RNF17: variants seen among roughly 807,000 people sequenced by gnomAD.
RNF17 encodes spermatogenesis associated 23.
RNF17 carries 31 observed loss-of-function variants against 200.5 expected under a neutral mutation model. The observed-to-expected ratio is 0.15, with a 90% CI of 0.12 to 0.21. RNF17 has a LOEUF of 0.21. RNF17 is among the 10% of genes least tolerant of loss of function. The probability of loss-of-function intolerance (pLI) is 1.00; values close to 1 mark genes in which losing one functional copy is unlikely to be tolerated. For missense variants in RNF17, 1,628 were observed against 1,905.1 expected, an observed-to-expected ratio of 0.85 and a Z score of 2.71; for synonymous variants, 606 against 637.8, an observed-to-expected ratio of 0.95 and a Z score of 0.75.
chr13:24,791,395 G>A (rs999705997), intron 9 of RNF17, among the ~76,000 whole-genome samples: 2 of 152,140 alleles, frequency 1.3e-5, no homozygotes, highest in African/African-American at 4.8e-5. Context: ...TGACTAAGTC[G>A]ATGGATTGTG....
chr13:24,884,464 C>G, downstream of RNF17: 1 of 1,613,964 alleles, frequency 6.2e-7, no homozygotes. Context: ...CCTTTTCCAC[C>G]TAAAAAACCA....
chr13:24,862,852 A>C, intron 28 of RNF17, 59 bp downstream of exon 28: 1 of 979,124 alleles, frequency 1.0e-6, no homozygotes. Flanking sequence ...TATAATTAAC[A>C]TAATTTGAGG....
chr13:24,786,754 T>A (rs1331285298), intron 6 of RNF17, among the ~76,000 whole-genome samples: 1 of 152,188 alleles, frequency 6.6e-6, no homozygotes, highest in African/African-American at 2.4e-5. Flanking sequence ...TTATTGAGGA[T>A]CCCTTGTACT....
chr13:24,855,553 G>A (rs1046246642), intron 25 of RNF17, among the ~76,000 whole-genome samples: 4 of 151,904 alleles, frequency 2.6e-5, no homozygotes, highest in African/African-American at 4.8e-5. Flanking sequence ...ATTTGAACCC[G>A]GGAGGCAGAG....
Position 24,870,668 on chromosome 13 carries a change from G to C in RNF17, c.4376G>C (p.Ser1459Thr), listed in dbSNP as rs77115679. The C allele has an allele frequency of 1.2e-6, 2 of 1,614,166 alleles. No homozygotes were observed. The part of the protein sequence containing the change: ...SGVSGESESE[S>T]LDEALQRVNK... ...GTCAGCGGGGAATCAGAATCCGAGAGCCTTGATGAAGCACTGCAGAGGGTT... is the reference window on the plus strand; with the variant it reads ...GTCAGCGGGGAATCAGAATCCGAGACCCTTGATGAAGCACTGCAGAGGGTT... The change falls in exon 32 of 36, where the codon AGC becomes ACC. Residue 1459 changes from serine (S) to threonine (T), a missense_variant. This residue lies in a region of RNF17 where 609 missense variants were observed against 681.9 expected (regional missense o/e 0.89). Coordinates refer to ENST00000255324, the MANE Select transcript of RNF17 (RefSeq NM_031277.3).
downstream of RNF17, among the ~76,000 whole-genome samples, chr13:24,882,111 G>T (rs71425128): frequency 8.7e-4 from 4 of 4,600 alleles, no homozygotes; most frequent in Non-Finnish European, 4.2e-3. Flanking sequence ...CATCTATATA[G>T]ATATATAGAT....
At position 24,774,939 on chromosome 13, in the gene RNF17, G is replaced by A. The variant is rs373288346; in HGVS notation, c.317+35G>A. On this transcript the variant is annotated intron_variant, in intron 3 of 35. Coordinates refer to ENST00000255324, the MANE Select transcript of RNF17 (RefSeq NM_031277.3). ...ATGTGTACTTATTTGAGTATTTAAA[G>A]TCAATGTGTTACTGAAATAGTTTTA... 6.2e-6 allele frequency: 8 copies of A among 1,299,100 alleles called. No homozygotes were observed. In the South Asian group the frequency reaches 9.9e-5, roughly 16 times the overall value. The allele number at this position is 1,299,100 out of a possible 1,614,324, so 80.5% of individuals were successfully genotyped here. A position where few individuals can be genotyped will look rare whatever the true frequency, so the allele number is the denominator to read the frequency against.
the RNF17 span, among the ~76,000 whole-genome samples, chr13:24,757,043 C>T: frequency 6.6e-6 from 1 of 152,020 alleles, no homozygotes; most frequent in Non-Finnish European, 1.5e-5. Flanking sequence ...AATTAGCCAC[C>T]AAGACAGTTC....
chr13:24,790,995 C>G (rs1290580971), intron 9 of RNF17, among the ~76,000 whole-genome samples: 1 of 152,144 alleles, frequency 6.6e-6, no homozygotes, highest in Non-Finnish European at 1.5e-5. Flanking sequence ...ACATTTAGAC[C>G]AAAGCACTGC....
chr13:24,844,207 A>G (rs184890521), intron 20 of RNF17, among the ~76,000 whole-genome samples: 1 of 152,302 alleles, frequency 6.6e-6, no homozygotes, highest in East Asian at 1.9e-4. Flanking sequence ...AACCAGTATT[A>G]TAAGTGTTAG....
Position 24,789,348 on chromosome 13 carries a change from A to G in RNF17, c.784A>G (p.Ile262Val). The G allele has an allele frequency of 1.3e-6, 2 of 1,585,984 alleles. No homozygotes were observed. Among genetic ancestry groups the G allele is most frequent in the South Asian group, 2.3e-5 (2 of 88,388 alleles). ...SLRTYCDLNQ[I>V]IRTLQLTSDS... The stretch of plus-strand genomic sequence containing the variant: ...GAATGATTTTTTTTTTAAATTCTAG[A>G]TTATCCGGACTTTGCAGTTAACTTC... Residue 262 changes from isoleucine (I) to valine (V), a missense_variant and splice_region_variant, in exon 8 of 36, where the codon ATT becomes GTT. Coordinates refer to ENST00000255324, the MANE Select transcript of RNF17 (RefSeq NM_031277.3).
At chr13:24,748,808 G>T in the RNF17 span, among the ~76,000 whole-genome samples, 4 of 151,636 alleles carry the variant, frequency 2.6e-5, no homozygotes, top group Admixed American at 2.0e-4. Context: ...TGCAACGAAC[G>T]GCGTGATCTT....
chr13:24,828,085 C>A (rs1366352322), intron 16 of RNF17, among the ~76,000 whole-genome samples: 1 of 152,140 alleles, frequency 6.6e-6, no homozygotes, highest in Non-Finnish European at 1.5e-5. Context: ...ATCTTTGGAG[C>A]AAACAAAAGC....
chr13:24,802,324 T>C (rs1885352463), intron 13 of RNF17, 57 bp from the exon 14 acceptor site: 3 of 1,454,296 alleles, frequency 2.1e-6, no homozygotes, highest in Admixed American at 2.0e-5. Context: ...ATCCAGAACA[T>C]TGTAACATTA....
At chr13:24,886,159 A>ATCTC in the RNF17 span, 1 of 485,120 alleles carries the variant, frequency 2.1e-6, no homozygotes, top group African/African-American at 2.0e-5. Context: ...AGTGAGGTGA[A>ATCTC]TCTCTCTCTA....
At chr13:24,837,694 G>A (rs531809950) in intron 18 of RNF17, among the ~76,000 whole-genome samples, 8 of 152,174 alleles carry the variant, frequency 5.3e-5, no homozygotes, top group Admixed American at 1.3e-4. Context: ...CTGCAAAGGC[G>A]GGTGCTAAGA....
chr13:24,831,631 C>A (rs887770017), intron 17 of RNF17, among the ~76,000 whole-genome samples: 4 of 152,082 alleles, frequency 2.6e-5, no homozygotes, highest in Non-Finnish European at 5.9e-5. Context: ...GCTTGTTATT[C>A]CAGTATGTGA....
intron 2 of RNF17, among the ~76,000 whole-genome samples, chr13:24,770,339 G>T (rs1593206671): frequency 6.6e-6 from 1 of 152,018 alleles, no homozygotes; most frequent in African/African-American, 2.4e-5. Context: ...GCTATAGGGG[G>T]TAAAAGAAAA....
At chr13:24,780,263 C>T (rs1252882342) in intron 5 of RNF17, among the ~76,000 whole-genome samples, 4 of 151,802 alleles carry the variant, frequency 2.6e-5, no homozygotes, top group African/African-American at 9.7e-5. Context: ...AAAGTCATTT[C>T]TCAAGAGGAA....
Sources: allele counts gnomAD v4.1 joint callset (sites outside exome capture counted in the v4.1 genomes callset), GRCh38; gene constraint gnomAD v4.1.1; regional missense constraint gnomAD v4.1.1; transcripts MANE v1.5; gene names NCBI Gene and HGNC (gene_info 2026-07-23, HGNC 2026-07-21).